REM2: variants seen among roughly 807,000 people sequenced by gnomAD.
REM2 encodes the protein RRAD and GEM like GTPase 2.
Under a neutral mutation model 24.4 loss-of-function variants are expected in REM2, and 24 were observed. The observed-to-expected ratio is 0.98, with a 90% CI of 0.71 to 1.38. The LOEUF is 1.38. Ranked by LOEUF, REM2 falls within the 40% of genes most tolerant of loss-of-function variation. The probability of loss-of-function intolerance (pLI) is 0.00; values close to 1 mark genes in which losing one functional copy is unlikely to be tolerated. For missense variants in REM2, 429 were observed against 467.8 expected (o/e 0.92, Z 0.77); for synonymous variants, 187 against 198.0 (o/e 0.94, Z 0.47).
At chr14:22,885,588 C>T (rs1225308186) in intron 3 of REM2, among the ~76,000 whole-genome samples, 1 of 152,134 alleles carries the variant, frequency 6.6e-6, no homozygotes, top group African/African-American at 2.4e-5. Context: ...CCCTGCAGCT[C>T]CAAGCTAGGC....
intron 3 of REM2, 85 bp downstream of exon 3, chr14:22,885,424 T>G: frequency 2.0e-6 from 2 of 999,352 alleles, no homozygotes; most frequent in Non-Finnish European, 3.2e-6. Flanking sequence ...CTGGTGGGAC[T>G]GCTGGTCCTG....
chr14:22,886,717 C>A lies in REM2; in HGVS notation c.831C>A (p.Ile277=). 1 of 1,514,834 alleles carries A rather than the reference C, an allele frequency of 6.6e-7. No homozygotes were observed. The highest frequency in any genetic ancestry group is 8.8e-7 in the Non-Finnish European group (1 of 1,132,574). 93.8% of individuals were successfully genotyped at this position (1,514,834 alleles called of 1,614,324 possible). Reference sequence around the variant, plus strand: ...TCTTCGAGGGCGCGGTGCGCCAGATCCGGCTGCGGCGGGGCCGAAACCACG... The same window carrying A: ...TCTTCGAGGGCGCGGTGCGCCAGATACGGCTGCGGCGGGGCCGAAACCACG... ...RELFEGAVRQ[I]RLRRGRNHAG... Residue 277 remains isoleucine (I), a synonymous_variant, in exon 5 of 5, where the codon ATC becomes ATA. Transcript: ENST00000267396. This position sits in a 1 kb window ranked among gnomAD's most constrained non-coding sequence, Gnocchi z 5.9.
At chr14:22,883,590 G>C (rs2040089476) in intron 1 of REM2, among the ~76,000 whole-genome samples, 200 bp downstream of exon 1, 1 of 152,064 alleles carries the variant, frequency 6.6e-6, no homozygotes, top group African/African-American at 2.4e-5. Context: ...CTGCCTAAAT[G>C]CCCCCTCCCC....
chr14:22,884,999 C>T lies in REM2; in HGVS notation c.429C>T (p.His143=), dbSNP rs201932226. The change falls in exon 2 of 5, where the codon CAC becomes CAT. Residue 143 remains histidine, a synonymous_variant. Transcript: ENST00000267396. The part of the protein sequence containing the change: ...TFGGLQGDSA[H]EPENPEDTYE... ...GTGGTCTCCAGGGAGACAGTGCTCACGAACCGGAGAACCCAGGTATTTGGG... is the reference window on the plus strand; with the variant it reads ...GTGGTCTCCAGGGAGACAGTGCTCATGAACCGGAGAACCCAGGTATTTGGG... 56 of 1,536,838 alleles carry T rather than the reference C, an allele frequency of 3.6e-5. No homozygotes were observed. Among genetic ancestry groups the T allele is most frequent in the Middle Eastern group, 3.5e-4 (2 of 5,684 alleles).
Position 22,884,752 on chromosome 14 carries a change from G to T in REM2, c.182G>T (p.Gly61Val), listed in dbSNP as rs369377234. 1.4e-5 allele frequency: 23 copies of T among 1,613,916 alleles called. No individual in the cohort carries two copies. The Admixed American group carries it at 3.8e-4, about 27-fold the overall frequency. ...CGGAGCGGGTTACCCTCTGCCCCTG[G>T]GGCCCCCAGACGAAGAGGCAGTATG... ...LDRSGLPSAP[G>V]APRRRGSMPV... Residue 61 changes from glycine to valine, a missense_variant, in exon 2 of 5, where the codon GGG (glycine) becomes GTG (valine). Gly to Val is a moderately radical substitution (Grantham distance 109). Coordinates refer to ENST00000267396, the MANE Select transcript of REM2 (RefSeq NM_173527.3).
In REM2 at chr14:22,886,788, C is replaced by T. The variant is rs1305304706; in HGVS notation, c.902C>T (p.Pro301Leu). Residue 301 changes from proline (P) to leucine (L), a missense_variant, in exon 5 of 5, where the codon CCA becomes CTA. Pro to Leu is a moderately conservative substitution (Grantham distance 98). Coordinates refer to ENST00000267396, the MANE Select transcript of REM2 (RefSeq NM_173527.3). This position sits in a 1 kb window ranked among gnomAD's most constrained non-coding sequence, Gnocchi z 5.9. Reference protein sequence around the residue: ...PDPGSPEGPAPPARRESLTKK... With the variant: ...PDPGSPEGPALPARRESLTKK... ...CCGGGCAGCCCCGAGGGCCCTGCGC[C>T]ACCTGCACGCCGCGAGAGCCTCACC... The T allele has an allele frequency of 3.9e-6, 6 of 1,548,868 alleles. No individual in the cohort carries two copies. The highest frequency in any genetic ancestry group is 1.2e-5 in the South Asian group (1 of 83,936).
Position 22,886,738 on chromosome 14 carries a change from C to T in REM2, c.852C>T (p.Asn284=). ...AGATCCGGCTGCGGCGGGGCCGAAACCACGCCGGAGGCCAGAGGCCCGATC... is the reference window on the plus strand; with the variant it reads ...AGATCCGGCTGCGGCGGGGCCGAAATCACGCCGGAGGCCAGAGGCCCGATC... ...VRQIRLRRGR[N]HAGGQRPDPG... Residue 284 remains asparagine (N), a synonymous_variant, in exon 5 of 5, where the codon AAC becomes AAT. Coordinates refer to ENST00000267396, the MANE Select transcript of REM2 (RefSeq NM_173527.3). This position sits in a 1 kb window ranked among gnomAD's most constrained non-coding sequence, Gnocchi z 5.9. 6.5e-7 allele frequency: 1 copy of T among 1,530,258 alleles called. No homozygotes were observed. Among genetic ancestry groups the T allele is most frequent in the Non-Finnish European group, 8.8e-7 (1 of 1,139,102 alleles). The allele number at this position is 1,530,258 out of a possible 1,614,324, so 94.8% of individuals were successfully genotyped here.
Position 22,884,458 on chromosome 14 carries a change from G to A in REM2, c.104-216G>A, listed in dbSNP as rs1000373201. ...TTTTGAATAGGTTGGGGTTGGGACC[G>A]CATTGGAGAAGCTATCATGTCAACT... On this transcript the variant is annotated intron_variant, in intron 1 of 4. Transcript: ENST00000267396. The A allele has an allele frequency of 3.3e-5, 33 of 985,194 alleles. No individual in the cohort carries two copies. In the African/African-American group the frequency reaches 4.9e-4, roughly 15 times the overall value. 61.0% of individuals were successfully genotyped at this position (985,194 alleles called of 1,614,324 possible).
rs2040140499 is a variant in REM2 at position 22,887,319 on chromosome 14, C to T, written c.*410C>T. On this transcript the variant is annotated 3_prime_UTR_variant, in exon 5 of 5. Transcript: ENST00000267396. ...TCGTAGACTCCTTGACGGAGTTTGC[C>T]TCCTTTGTACGCTGCGTGAACATGC... 1 of 161,020 alleles carries T rather than the reference C, an allele frequency of 6.2e-6. No individual in the cohort carries two copies. Among genetic ancestry groups the T allele is most frequent in the African/African-American group, 2.4e-5 (1 of 41,822 alleles). The allele number at this position is 161,020 out of a possible 1,614,324, so 10.0% of individuals were successfully genotyped here.
chr14:22,885,068 G>C, intron 2 of REM2, 53 bp downstream of exon 2: 1 of 1,502,842 alleles, frequency 6.7e-7, no homozygotes. Flanking sequence ...CCTGGTCAGG[G>C]AAGGAAGTGC....
chr14:22,886,567 G>C lies in REM2; in HGVS notation c.728-47G>C. ...CCCTCCCTAGACCCACCCTCGCCCC[G>C]GGTCCCGTACAGCCCAGCGGGCGCC... On this transcript the variant is annotated intron_variant, in intron 4 of 4. Transcript: ENST00000267396. This position sits in a 1 kb window ranked among gnomAD's most constrained non-coding sequence, Gnocchi z 5.9. 1 of 1,436,040 alleles carries C rather than the reference G, an allele frequency of 7.0e-7. No individual in the cohort carries two copies. The highest frequency in any genetic ancestry group is 2.5e-5 in the East Asian group (1 of 39,704). 89.0% of individuals were successfully genotyped at this position (1,436,040 alleles called of 1,614,324 possible).
chr14:22,885,512 G>GT (rs1353170004), intron 3 of REM2, among the ~76,000 whole-genome samples, 173 bp downstream of exon 3: 1 of 152,174 alleles, frequency 6.6e-6, no homozygotes, highest in Admixed American at 6.5e-5. Flanking sequence ...GCCTGTGGCT[G>GT]TTAAGACCCA....
At chr14:22,885,391 G>A (rs1428118987) in intron 3 of REM2, 52 bp downstream of exon 3, 8 of 1,395,820 alleles carry the variant, frequency 5.7e-6, no homozygotes, top group Non-Finnish European at 7.1e-6. Flanking sequence ...GAGAACTGGG[G>A]AAGGGCAAAG....
rs1366323174 is a variant in REM2 at position 22,884,815 on chromosome 14, C to T, written c.245C>T (p.Ala82Val). ...AAGCACCAGCTCCGGCGGGCCCAGG[C>T]TGTAGATGAACTTGACTGGCCACCT... ...PYKHQLRRAQ[A>V]VDELDWPPQA... The change falls in exon 2 of 5, where the codon GCT becomes GTT. Residue 82 changes from alanine (A) to valine (V), a missense_variant. Coordinates refer to ENST00000267396, the MANE Select transcript of REM2 (RefSeq NM_173527.3). 2 of 1,614,044 alleles carry T rather than the reference C, an allele frequency of 1.2e-6. No homozygotes were observed. Among genetic ancestry groups the T allele is most frequent in the Non-Finnish European group, 1.7e-6 (2 of 1,179,892 alleles).
rs777421314 is a variant in REM2, at chr14:22,886,283, C to T, written c.727+52C>T. On this transcript the variant is annotated intron_variant, in intron 4 of 4. Transcript: ENST00000267396. This position sits in a 1 kb window ranked among gnomAD's most constrained non-coding sequence, Gnocchi z 5.9. ...TTGCGATCTCAGGGGAATGCTCTCC[C>T]TTCCAAGTCACCTCTTCTCCCTAAG... is the stretch of plus-strand genomic sequence containing the variant. 6 of 1,495,964 alleles carry T rather than the reference C, an allele frequency of 4.0e-6. No homozygotes were observed. The East Asian group carries it at 1.4e-4, about 36-fold the overall frequency. The allele number at this position is 1,495,964 out of a possible 1,614,324, so 92.7% of individuals were successfully genotyped here. A position where few individuals can be genotyped will look rare whatever the true frequency, so the allele number is the denominator to read the frequency against.
Position 22,884,291 on chromosome 14 carries a change from A to G in REM2, c.104-383A>G, listed in dbSNP as rs2040098969. The G allele has an allele frequency of 5.1e-6, 5 of 985,438 alleles. No individual in the cohort carries two copies. In the South Asian group the frequency reaches 2.3e-4, roughly 46 times the overall value. 61.0% of individuals were successfully genotyped at this position (985,438 alleles called of 1,614,324 possible). A position where few individuals can be genotyped will look rare whatever the true frequency, so the allele number is the denominator to read the frequency against. Reference sequence around the variant, plus strand: ...AGGAGGAGGAAGGGCCTCTTGATGGAAAAAGAGGCAGCTTCCCCAAACCTC... The same window carrying G: ...AGGAGGAGGAAGGGCCTCTTGATGGGAAAAGAGGCAGCTTCCCCAAACCTC... On this transcript the variant is annotated intron_variant, in intron 1 of 4. Transcript: ENST00000267396.
rs1378874885 is a variant in REM2 at position 22,886,445 on chromosome 14, C to T, written c.728-169C>T. On this transcript the variant is annotated intron_variant, in intron 4 of 4. Transcript: ENST00000267396. This position sits in a 1 kb window ranked among gnomAD's most constrained non-coding sequence, Gnocchi z 5.9. ...CTCTCTCCTAGGCCTCCTTCTCCCTCTCCTTCGCACCTCCACAGACCCACC... is the reference window on the plus strand; with the variant it reads ...CTCTCTCCTAGGCCTCCTTCTCCCTTTCCTTCGCACCTCCACAGACCCACC... The T allele has an allele frequency of 4.1e-6, 3 of 729,892 alleles. No homozygotes were observed. Among genetic ancestry groups the T allele is most frequent in the Non-Finnish European group, 6.7e-6 (3 of 450,730 alleles). The allele number at this position is 729,892 out of a possible 1,614,324, so 45.2% of individuals were successfully genotyped here.
rs72363604 is a variant in REM2 at position 22,883,255 on chromosome 14, T to TGCACACGCACAC, written c.-14_-3dup. The TGCACACGCACAC allele has an allele frequency of 3.4e-6, 4 of 1,166,212 alleles. No individual in the cohort carries two copies. Among genetic ancestry groups the TGCACACGCACAC allele is most frequent in the East Asian group, 2.6e-5 (1 of 39,082 alleles). The allele number at this position is 1,166,212 out of a possible 1,614,324, so 72.2% of individuals were successfully genotyped here. A position where few individuals can be genotyped will look rare whatever the true frequency, so the allele number is the denominator to read the frequency against. ...GAGAGGGTGCTGCGAGCTGCTGGGCTGCACACGCACACGCACACGCACACG... is the reference window on the plus strand; with the variant it reads ...GAGAGGGTGCTGCGAGCTGCTGGGCTGCACACGCACACGCACACGCACACGCACACGCACACG... On this transcript the variant is annotated 5_prime_UTR_variant, in exon 1 of 5. Coordinates refer to ENST00000267396, the MANE Select transcript of REM2 (RefSeq NM_173527.3).
chr14:22,883,248 G>A lies in REM2; in HGVS notation c.-40G>A. On this transcript the variant is annotated 5_prime_UTR_variant, in exon 1 of 5. Transcript: ENST00000267396. ...AGTGAGGGAGAGGGTGCTGCGAGCT[G>A]CTGGGCTGCACACGCACACGCACAC... 9.0e-7 allele frequency: 1 copy of A among 1,114,874 alleles called. No homozygotes were observed. The highest frequency in any genetic ancestry group is 1.3e-5 in the South Asian group (1 of 75,394). 69.1% of individuals were successfully genotyped at this position (1,114,874 alleles called of 1,614,324 possible). A position where few individuals can be genotyped will look rare whatever the true frequency, so the allele number is the denominator to read the frequency against.
Sources: gnomAD v4.1 joint callset for allele counts (sites outside exome capture counted in the v4.1 genomes callset) on GRCh38, gnomAD v4.1.1 for gene constraint, Gnocchi (gnomAD v3.1) non-coding constraint, MANE v1.5 for transcripts, NCBI Gene and HGNC (gene_info 2026-07-23, HGNC 2026-07-21) for gene names.